Variants in MAST2 observed in about 807,000 individuals in gnomAD.
MAST2 encodes microtubule-associated serine/threonine-protein kinase 2.
MAST2 carries 70 observed loss-of-function variants against 147.4 expected under a neutral mutation model. That is an observed-to-expected ratio of 0.47 (90% CI 0.39 to 0.58). MAST2 has a LOEUF of 0.58. Among genes scored for constraint, MAST2 ranks in the 20% least tolerant of loss-of-function variants. The pLI is 0.00. For missense variants in MAST2, 2,080 were observed against 2,302.3 expected (o/e 0.90, Z 1.98); for synonymous variants, 869 against 896.8 (o/e 0.97, Z 0.55).
At chr1:45,804,384 A>T (rs1017221401) in intron 1 of MAST2, among the ~76,000 whole-genome samples, 7 of 152,222 alleles carry the variant, frequency 4.6e-5, no homozygotes, top group Middle Eastern at 6.8e-3. Context: ...CTTACTAAAG[A>T]GGCGTTGAGG....
chr1:45,974,282 A>T (rs1342630376), intron 5 of MAST2, among the ~76,000 whole-genome samples: 1 of 152,124 alleles, frequency 6.6e-6, no homozygotes, highest in African/African-American at 2.4e-5. Flanking sequence ...TGTGGTAAAG[A>T]TAGCTTATTG....
chr1:45,902,415 G>C (rs61783251), intron 4 of MAST2, among the ~76,000 whole-genome samples: 13,083 of 152,116 alleles, frequency 0.086, 722 homozygotes, highest in Admixed American at 0.16. Flanking sequence ...TTACATTCAT[G>C]TTCATCAGGG....
intron 3 of MAST2, among the ~76,000 whole-genome samples, chr1:45,835,905 A>G (rs960539310): frequency 2.6e-5 from 4 of 152,178 alleles, no homozygotes; most frequent in African/African-American, 9.7e-5. Flanking sequence ...AATGCTTTCA[A>G]GATTTTTCTG....
intron 1 of MAST2, among the ~76,000 whole-genome samples, chr1:45,809,707 T>C (rs1644239416): frequency 6.6e-6 from 1 of 152,142 alleles, no homozygotes; most frequent in Admixed American, 6.6e-5. Context: ...TTCTGCAAAG[T>C]TGTTTTTCCA....
rs147729066 is a variant in MAST2, at chr1:45,997,304, G to A, written c.593-420G>A. Among the ~76,000 whole-genome samples the A allele has an allele frequency of 1.1e-3, 164 of 152,274 alleles. 1 individual carries two copies. Among genetic ancestry groups the A allele is most frequent in the Non-Finnish European group, 1.8e-3 (125 of 68,026 alleles). ...CTGGTTTAGCCCTTGGATACAGTGC[G>A]CAGAGATATATATGCAAGAAACTTT... On this transcript the variant is annotated intron_variant, in intron 5 of 28. Transcript: ENST00000361297.
chr1:45,977,321 C>G (rs1195180248), intron 5 of MAST2, among the ~76,000 whole-genome samples: 1 of 151,308 alleles, frequency 6.6e-6, no homozygotes, highest in East Asian at 1.9e-4. Flanking sequence ...AACCCGGTCT[C>G]TACTAAAAAT....
intron 5 of MAST2, among the ~76,000 whole-genome samples, chr1:45,994,220 T>C (rs1330665799): frequency 6.6e-6 from 1 of 150,952 alleles, no homozygotes; most frequent in Admixed American, 6.6e-5. Flanking sequence ...TCTCCATTTC[T>C]GGGAAGTCAG....
intron 3 of MAST2, chr1:45,865,186 C>T: frequency 2.2e-6 from 1 of 453,682 alleles, no homozygotes; most frequent in South Asian, 1.6e-5. Context: ...CTTTTAATGT[C>T]TCTTGTAAAT....
At chr1:45,883,230 C>T (rs1232815566) in intron 4 of MAST2, among the ~76,000 whole-genome samples, 1 of 152,160 alleles carries the variant, frequency 6.6e-6, no homozygotes, top group Non-Finnish European at 1.5e-5. Flanking sequence ...GAGATCACAA[C>T]AGCATTCATA....
chr1:46,015,921 C>T (rs1645918133), intron 10 of MAST2, among the ~76,000 whole-genome samples: 1 of 152,124 alleles, frequency 6.6e-6, no homozygotes, highest in Non-Finnish European at 1.5e-5. Flanking sequence ...ATGCAAAAAT[C>T]CTCAATAAAA....
At chr1:45,952,457 TG>T (rs1659068506) in intron 4 of MAST2, among the ~76,000 whole-genome samples, 1 of 152,204 alleles carries the variant, frequency 6.6e-6, no homozygotes, top group Non-Finnish European at 1.5e-5. Context: ...ATAGTGGCAG[TG>T]CTTGCACAGC....
chr1:45,888,529 ATTTTTTGTG>A (rs1647191496), intron 4 of MAST2, among the ~76,000 whole-genome samples: 1 of 149,952 alleles, frequency 6.7e-6, no homozygotes, highest in South Asian at 2.1e-4. Flanking sequence ...CGCCCGGCTA[ATTTTTTGTG>A]TTTTTAGTAG....
At position 45,887,488 on chromosome 1, in the gene MAST2, A is replaced by G. The variant is rs563317449; in HGVS notation, c.500+5093A>G. Among the ~76,000 whole-genome samples the G allele has an allele frequency of 2.0e-5, 3 of 152,310 alleles. No homozygotes were observed. In the South Asian group the frequency reaches 6.2e-4, roughly 32 times the overall value. Reference sequence around the variant, plus strand: ...GCTTATTCATTTGGGCAGTGGACTTAGATACCAGATATTGGATGAAAGTTA... The same window carrying G: ...GCTTATTCATTTGGGCAGTGGACTTGGATACCAGATATTGGATGAAAGTTA... On this transcript the variant is annotated intron_variant, in intron 4 of 28. Transcript: ENST00000361297.
chr1:45,864,931 T>A (rs1646094805), intron 3 of MAST2, among the ~76,000 whole-genome samples: 1 of 152,224 alleles, frequency 6.6e-6, no homozygotes, highest in Admixed American at 6.5e-5. Context: ...AAGACGTGAT[T>A]CTGATATGAG....
chr1:45,924,124 C>T (rs181053037), intron 4 of MAST2, among the ~76,000 whole-genome samples: 14 of 152,296 alleles, frequency 9.2e-5, no homozygotes, highest in African/African-American at 3.4e-4. Flanking sequence ...CCACTTCAGC[C>T]TCCCAAAGTG....
intron 5 of MAST2, among the ~76,000 whole-genome samples, chr1:45,965,965 C>T (rs1661134035): frequency 6.6e-6 from 1 of 152,096 alleles, no homozygotes; most frequent in African/African-American, 2.4e-5. Context: ...TTATCATTTA[C>T]CATTATAGTA....
chr1:45,806,166 C>G lies in MAST2; in HGVS notation c.177+2094C>G, dbSNP rs1644135834. On this transcript the variant is annotated intron_variant, in intron 1 of 28. Coordinates refer to ENST00000361297, the MANE Select transcript of MAST2 (RefSeq NM_015112.3). The stretch of plus-strand genomic sequence containing the variant: ...CCAGTACCCTAGAATGCTCCCTGTG[C>G]TTTCTCCTAGCACTACTCTTTTACA... Among the ~76,000 whole-genome samples, 5 of 152,202 alleles carry G rather than the reference C, an allele frequency of 3.3e-5. 1 individual carries two copies. The South Asian group carries it at 1.0e-3, about 31-fold the overall frequency.
At chr1:45,990,014 C>T (rs753313073) in intron 5 of MAST2, among the ~76,000 whole-genome samples, 2 of 152,112 alleles carry the variant, frequency 1.3e-5, no homozygotes, top group African/African-American at 4.8e-5. Flanking sequence ...CAGTTTTGGG[C>T]GATCACGAAT....
intron 10 of MAST2, 172 bp downstream of exon 10, chr1:46,011,111 T>C: frequency 1.6e-6 from 1 of 612,212 alleles, no homozygotes; most frequent in Non-Finnish European, 2.9e-6. Flanking sequence ...CCTGCAATAC[T>C]GAGAGAAGCC....
Sources: gnomAD v4.1 joint callset for allele counts (sites outside exome capture counted in the v4.1 genomes callset) on GRCh38, gnomAD v4.1.1 for gene constraint, MANE v1.5 for transcripts, NCBI Gene and HGNC (gene_info 2026-07-23, HGNC 2026-07-21) for gene names.